Variants in VTA1 observed in about 807,000 individuals in gnomAD.
VTA1 encodes the protein vesicle trafficking 1.
Under a neutral mutation model 36.9 loss-of-function variants are expected in VTA1, and 24 were observed. The ratio of observed to expected loss-of-function variants is 0.65; its 90% confidence interval spans 0.47 to 0.91. The LOEUF (loss-of-function observed/expected upper bound fraction) is 0.91. VTA1 is among the 40% of genes least tolerant of loss of function. The probability of loss-of-function intolerance (pLI) is 0.00; values close to 1 mark genes in which losing one functional copy is unlikely to be tolerated. For synonymous variants in VTA1, 142 were observed against 130.2 expected (o/e 1.09, Z -0.62); for missense variants, 393 against 377.2 (o/e 1.04, Z -0.35).
At chr6:142,188,081 GT>G (rs1035599282) in intron 4 of VTA1, among the ~76,000 whole-genome samples, 4 of 148,864 alleles carry the variant, frequency 2.7e-5, no homozygotes, top group Admixed American at 6.7e-5. Context: ...CTAATTTTTT[GT>G]GTTTTTCATA....
At chr6:142,154,642 C>G (rs1006918789) in intron 1 of VTA1, among the ~76,000 whole-genome samples, 4 of 152,078 alleles carry the variant, frequency 2.6e-5, no homozygotes, top group Non-Finnish European at 4.4e-5. Context: ...TTTTGTGTCA[C>G]TATTTTTAAT....
At chr6:142,164,654 C>G (rs893055478) in intron 1 of VTA1, among the ~76,000 whole-genome samples, 17 of 152,158 alleles carry the variant, frequency 1.1e-4, no homozygotes, top group African/African-American at 3.9e-4. Context: ...AGATATTCAA[C>G]TTTGTTATAA....
chr6:142,157,089 A>T (rs1410782709), intron 1 of VTA1, among the ~76,000 whole-genome samples: 3 of 152,190 alleles, frequency 2.0e-5, no homozygotes, highest in Admixed American at 6.5e-5. Flanking sequence ...GCTTGAACCC[A>T]GGAGGCAGAG....
intron 6 of VTA1, among the ~76,000 whole-genome samples, chr6:142,201,602 A>G (rs1775685999): frequency 6.6e-6 from 1 of 151,962 alleles, no homozygotes; most frequent in African/African-American, 2.4e-5. Context: ...GCTAGATTAA[A>G]TAATATAATT....
chr6:142,156,459 A>G (rs758399669), intron 1 of VTA1, among the ~76,000 whole-genome samples: 1 of 152,198 alleles, frequency 6.6e-6, no homozygotes. Context: ...ATTTTTCTTT[A>G]ATGAAGCCGG....
chr6:142,192,628 C>G (rs200691441), intron 5 of VTA1, among the ~76,000 whole-genome samples: 1 of 151,910 alleles, frequency 6.6e-6, no homozygotes, highest in African/African-American at 2.4e-5. Flanking sequence ...TTTCTCACCC[C>G]TTGTCCCCTT....
intron 7 of VTA1, among the ~76,000 whole-genome samples, chr6:142,209,180 A>C (rs994347647): frequency 1.3e-5 from 2 of 152,118 alleles, no homozygotes; most frequent in African/African-American, 2.4e-5. Flanking sequence ...AGAACTGATA[A>C]ATTTAGTGAA....
At chr6:142,202,929 A>G (rs984440904) in intron 6 of VTA1, among the ~76,000 whole-genome samples, 5 of 152,054 alleles carry the variant, frequency 3.3e-5, no homozygotes, top group African/African-American at 1.2e-4. Context: ...GTATAAATAC[A>G]GAGCGAGTTT....
At chr6:142,154,066 G>T (rs1441711537) in intron 1 of VTA1, among the ~76,000 whole-genome samples, 1 of 151,940 alleles carries the variant, frequency 6.6e-6, no homozygotes, top group Non-Finnish European at 1.5e-5. Flanking sequence ...TTTGTCAGGT[G>T]TACATTCCTG....
rs1476292682 is a variant in VTA1 at position 142,221,143 on chromosome 6, G to A, written c.*2500G>A. On this transcript the variant is annotated 3_prime_UTR_variant, in exon 8 of 8. Coordinates refer to ENST00000367630, the MANE Select transcript of VTA1 (RefSeq NM_016485.5). ...TGAGAAAAGAGATTCTCCTCAAACC[G>A]GTTCTCAAAGGTGTCTCTGGACGAC... 2 of 152,120 alleles carry A rather than the reference G, an allele frequency of 1.3e-5. No homozygotes were observed. Among genetic ancestry groups the A allele is most frequent in the Middle Eastern group, 3.2e-3 (1 of 316 alleles). The allele number at this position is 152,120 out of a possible 1,614,324, so 9.4% of individuals were successfully genotyped here. A position where few individuals can be genotyped will look rare whatever the true frequency, so the allele number is the denominator to read the frequency against.
chr6:142,169,573 T>C lies in VTA1; in HGVS notation c.231T>C (p.Asn77=), dbSNP rs1774988802. The change falls in exon 3 of 8, where the codon AAT becomes AAC. Residue 77 remains asparagine (N), a synonymous_variant. Transcript: ENST00000367630. ...AGCTAAAGAAGCAGTTGGGTGATAA[T>C]GAAGCTATTACTCAAGAAATAGTGG... ...LEALKKQLGD[N]EAITQEIVGC... is the part of the protein sequence containing the mutation. The C allele has an allele frequency of 6.2e-7, 1 of 1,607,418 alleles. No homozygotes were observed. The highest frequency in any genetic ancestry group is 1.3e-5 in the African/African-American group (1 of 74,790).
intron 5 of VTA1, among the ~76,000 whole-genome samples, chr6:142,197,297 G>C (rs967683502): frequency 3.9e-5 from 6 of 151,982 alleles, no homozygotes; most frequent in Non-Finnish European, 8.8e-5. Context: ...TTTTTTTCTT[G>C]TTTGAAATTA....
intron 4 of VTA1, among the ~76,000 whole-genome samples, chr6:142,179,308 G>T (rs1378508898): frequency 6.6e-6 from 1 of 151,970 alleles, no homozygotes; most frequent in Non-Finnish European, 1.5e-5. Context: ...TAGGAAAAGA[G>T]TTGGTCATTT....
Position 142,204,925 on chromosome 6 carries a change from A to G in VTA1, c.778+860A>G, listed in dbSNP as rs530477980. Among the ~76,000 whole-genome samples the G allele has an allele frequency of 3.2e-4, 48 of 151,104 alleles. 1 individual carries two copies. The highest frequency in any genetic ancestry group is 1.7e-4 in the African/African-American group (7 of 40,492). On this transcript the variant is annotated intron_variant, in intron 7 of 7. Coordinates refer to ENST00000367630, the MANE Select transcript of VTA1 (RefSeq NM_016485.5). The stretch of plus-strand genomic sequence containing the variant: ...TTTTTAGTAGAGATGGGATTTCACC[A>G]TGTTGGCCAGGGATGGTCTCGATCT...
At chr6:142,187,909 TTTC>T (rs1187902967) in intron 4 of VTA1, among the ~76,000 whole-genome samples, 4 of 130,072 alleles carry the variant, frequency 3.1e-5, no homozygotes, top group African/African-American at 1.1e-4. Context: ...GGATACTTTC[TTTC>T]TTTTTTTTTT....
intron 7 of VTA1, among the ~76,000 whole-genome samples, chr6:142,208,888 G>T (rs988148031): frequency 6.6e-6 from 1 of 152,174 alleles, no homozygotes; most frequent in African/African-American, 2.4e-5. Flanking sequence ...AAGCTAAGGG[G>T]AGTTCTTCAG....
At position 142,147,368 on chromosome 6, in the gene VTA1, T is replaced by C. The variant is rs1282254156; in HGVS notation, c.81T>C (p.His27=). 13 of 1,614,172 alleles carry C rather than the reference T, an allele frequency of 8.1e-6. No individual in the cohort carries two copies. The highest frequency in any genetic ancestry group is 2.7e-5 in the African/African-American group (2 of 75,060). Reference sequence around the variant, plus strand: ...ATCATCTGAGGACGGCTCAGGAGCATGACAAGCGAGACCCTGTGGTGGCTT... The same window carrying C: ...ATCATCTGAGGACGGCTCAGGAGCACGACAAGCGAGACCCTGTGGTGGCTT... The part of the protein sequence containing the change: ...IQHHLRTAQE[H]DKRDPVVAYY... The change falls in exon 1 of 8, where the codon CAT becomes CAC. Residue 27 remains histidine, a synonymous_variant. Coordinates refer to ENST00000367630, the MANE Select transcript of VTA1 (RefSeq NM_016485.5).
intron 4 of VTA1, among the ~76,000 whole-genome samples, chr6:142,172,980 G>GA (rs564154015): frequency 4.2e-4 from 62 of 147,750 alleles, no homozygotes; most frequent in Non-Finnish European, 2.4e-4. Flanking sequence ...AAAAAAAAAA[G>GA]AAAAAAAAAC....
chr6:142,155,847 C>T (rs1017256919), intron 1 of VTA1, among the ~76,000 whole-genome samples: 3 of 152,052 alleles, frequency 2.0e-5, no homozygotes, highest in African/African-American at 4.8e-5. Context: ...GTTCTTTATG[C>T]CTTGGTGTAG....
Sources: gnomAD v4.1 joint callset for allele counts (sites outside exome capture counted in the v4.1 genomes callset) on GRCh38, gnomAD v4.1.1 for gene constraint, MANE v1.5 for transcripts, NCBI Gene and HGNC (gene_info 2026-07-23, HGNC 2026-07-21) for gene names.